The following SHISA6 variants were observed in gnomAD, a reference collection of about 807,000 sequenced individuals.
SHISA6 encodes shisa family member 6.
In SHISA6, 22 loss-of-function variants were observed where a neutral mutation model predicts 47.9. The observed-to-expected ratio is 0.46, with a 90% CI of 0.33 to 0.66. SHISA6 has a LOEUF of 0.66. Among genes scored for constraint, SHISA6 ranks in the 30% least tolerant of loss-of-function variants. SHISA6 has a pLI of 0.02. For missense variants in SHISA6, 680 were observed against 764.6 expected, an observed-to-expected ratio of 0.89 and a Z score of 1.30; for synonymous variants, 388 against 337.8, an observed-to-expected ratio of 1.15 and a Z score of -1.63.
rs983023301 is a variant in SHISA6, at chr17:11,300,172, C to G, written c.799+36646C>G. On this transcript the variant is annotated intron_variant, in intron 2 of 5. Coordinates refer to ENST00000441885, the MANE Select transcript of SHISA6 (RefSeq NM_207386.4). ...AACAAAAAAAAAAAAAAAAGAAAAACAAGAAAAAAGAAAAAAAGAAAGGCA... is the reference window on the plus strand; with the variant it reads ...AACAAAAAAAAAAAAAAAAGAAAAAGAAGAAAAAAGAAAAAAAGAAAGGCA... Among the ~76,000 whole-genome samples, 7 of 143,482 alleles carry G rather than the reference C, an allele frequency of 4.9e-5. No individual in the cohort carries two copies. In the South Asian group the frequency reaches 1.5e-3, roughly 32 times the overall value. The allele number at this position is 143,482 out of a possible 152,430, so 94.1% of individuals were successfully genotyped here.
chr17:11,264,690 C>T (rs1908359902), intron 2 of SHISA6, among the ~76,000 whole-genome samples: 1 of 152,146 alleles, frequency 6.6e-6, no homozygotes, highest in South Asian at 2.1e-4. Flanking sequence ...GATATATAGC[C>T]ACTAGGTGGC....
At chr17:11,429,359 A>G (rs1204066007) in intron 3 of SHISA6, among the ~76,000 whole-genome samples, 1 of 152,196 alleles carries the variant, frequency 6.6e-6, no homozygotes, top group Non-Finnish European at 1.5e-5. Context: ...GTCACAAGGT[A>G]CATTCAGTGG....
intron 2 of SHISA6, among the ~76,000 whole-genome samples, chr17:11,334,605 A>G (rs1597463087): frequency 6.6e-6 from 1 of 152,184 alleles, no homozygotes; most frequent in East Asian, 1.9e-4. Context: ...CCTGGCCACA[A>G]TGGCCTCTCC....
intron 3 of SHISA6, among the ~76,000 whole-genome samples, chr17:11,507,056 T>G (rs2071504833): frequency 6.6e-6 from 1 of 152,180 alleles, no homozygotes; most frequent in South Asian, 2.1e-4. Flanking sequence ...ACCCACTAAC[T>G]GCATCTTCAG....
intron 2 of SHISA6, among the ~76,000 whole-genome samples, chr17:11,331,076 C>G (rs2142204559): frequency 6.6e-6 from 1 of 152,300 alleles, no homozygotes; most frequent in African/African-American, 2.4e-5. Context: ...CAGATTCCCC[C>G]ATCTGGGAGC....
intron 3 of SHISA6, among the ~76,000 whole-genome samples, chr17:11,450,229 C>A (rs1915355373): frequency 6.6e-6 from 1 of 152,100 alleles, no homozygotes; most frequent in Non-Finnish European, 1.5e-5. Flanking sequence ...AATTTAGGGG[C>A]CCACCCCACT....
At chr17:11,364,000 C>A (rs893651360) in intron 2 of SHISA6, among the ~76,000 whole-genome samples, 1 of 152,196 alleles carries the variant, frequency 6.6e-6, no homozygotes, top group African/African-American at 2.4e-5. Context: ...ACTGCCACCT[C>A]AATAAAGCTG....
At chr17:11,327,498 G>C (rs1272448446) in intron 2 of SHISA6, among the ~76,000 whole-genome samples, 1 of 152,202 alleles carries the variant, frequency 6.6e-6, no homozygotes, top group Non-Finnish European at 1.5e-5. Flanking sequence ...ATCTTTTCTA[G>C]TAGTGGCAGT....
intron 3 of SHISA6, among the ~76,000 whole-genome samples, chr17:11,502,966 T>C (rs2071468110): frequency 6.6e-6 from 1 of 152,186 alleles, no homozygotes; most frequent in African/African-American, 2.4e-5. Flanking sequence ...TGGAGATTAC[T>C]GTGGGGTAGG....
intron 3 of SHISA6, among the ~76,000 whole-genome samples, chr17:11,382,928 C>CTTT (rs10601084): frequency 1.4e-5 from 1 of 70,774 alleles, no homozygotes; most frequent in Non-Finnish European, 2.6e-5. Context: ...TCCTGTCAGC[C>CTTT]TTTTTTTTTT....
chr17:11,518,663 G>A (rs1465208979), intron 3 of SHISA6, among the ~76,000 whole-genome samples: 2 of 152,134 alleles, frequency 1.3e-5, no homozygotes, highest in Non-Finnish European at 2.9e-5. Flanking sequence ...GAATCACCTA[G>A]AGAGTTTTTA....
intron 3 of SHISA6, among the ~76,000 whole-genome samples, chr17:11,436,277 A>T (rs1411639569): frequency 3.3e-5 from 5 of 152,214 alleles, no homozygotes; most frequent in African/African-American, 9.6e-5. Context: ...CTTTGCTGGT[A>T]TCTTGATCTT....
intron 3 of SHISA6, among the ~76,000 whole-genome samples, chr17:11,401,571 T>C (rs980895439): frequency 6.6e-6 from 1 of 152,224 alleles, no homozygotes; most frequent in Non-Finnish European, 1.5e-5. Context: ...GAAGTCATCT[T>C]AGACCCAACT....
At chr17:11,411,142 G>A (rs1914103528) in intron 3 of SHISA6, among the ~76,000 whole-genome samples, 1 of 150,860 alleles carries the variant, frequency 6.6e-6, no homozygotes, top group Admixed American at 6.6e-5. Flanking sequence ...CTAATTTTTT[G>A]TATTCTTAGT....
Position 11,379,761 on chromosome 17 carries a change from G to A in SHISA6, c.895+252G>A, listed in dbSNP as rs749967621. 16 of 360,000 alleles carry A rather than the reference G, an allele frequency of 4.4e-5. No homozygotes were observed. The Admixed American group carries it at 7.0e-4, about 16-fold the overall frequency. 22.3% of individuals were successfully genotyped at this position (360,000 alleles called of 1,614,324 possible). ...ACCCATGGCGGGGACACAGATGCCG[G>A]CGGCTCCTTGTGGGAAGGGACCACA... On this transcript the variant is annotated intron_variant, in intron 3 of 5. Coordinates refer to ENST00000441885, the MANE Select transcript of SHISA6 (RefSeq NM_207386.4).
intron 3 of SHISA6, among the ~76,000 whole-genome samples, chr17:11,539,278 C>A (rs1368619024): frequency 6.6e-6 from 1 of 152,222 alleles, no homozygotes; most frequent in Non-Finnish European, 1.5e-5. Context: ...TCCCATTGAT[C>A]CAGCCATTGT....
At chr17:11,443,844 A>G (rs1447598702) in intron 3 of SHISA6, among the ~76,000 whole-genome samples, 2 of 152,220 alleles carry the variant, frequency 1.3e-5, no homozygotes, top group Non-Finnish European at 2.9e-5. Context: ...CTCAATAAAT[A>G]TCTGCAGAAT....
At chr17:11,269,190 C>T (rs1037618151) in intron 2 of SHISA6, among the ~76,000 whole-genome samples, 8 of 152,132 alleles carry the variant, frequency 5.3e-5, no homozygotes, top group Non-Finnish European at 8.8e-5. Flanking sequence ...TACAGGAGCC[C>T]GCCACCAGAT....
intron 1 of SHISA6, among the ~76,000 whole-genome samples, chr17:11,243,569 A>G (rs1907459373): frequency 6.6e-6 from 1 of 152,150 alleles, no homozygotes; most frequent in African/African-American, 2.4e-5. Flanking sequence ...AATGCAGAAG[A>G]CAAGTGGGAC....
Sources: gnomAD v4.1 joint callset for allele counts (sites outside exome capture counted in the v4.1 genomes callset) on GRCh38, gnomAD v4.1.1 for gene constraint, MANE v1.5 for transcripts, NCBI Gene and HGNC (gene_info 2026-07-23, HGNC 2026-07-21) for gene names.